Variants in CTNNA2 observed in about 807,000 individuals in gnomAD.
CTNNA2 encodes the protein catenin alpha 2.
Under a neutral mutation model 101.0 loss-of-function variants are expected in CTNNA2, and 42 were observed. The ratio of observed to expected loss-of-function variants is 0.42; its 90% CI spans 0.32 to 0.54. The LOEUF (loss-of-function observed/expected upper bound fraction) is 0.54, where lower values mean the gene tolerates loss of function less well. Among genes scored for constraint, CTNNA2 ranks in the 20% least tolerant of loss-of-function variants. The pLI is 0.14. For missense variants in CTNNA2, 871 were observed against 1,223.1 expected (o/e 0.71, Z 4.29); for synonymous variants, 450 against 456.4 (o/e 0.99, Z 0.18).
At chr2:80,565,457 T>C (rs545755997) in intron 12 of CTNNA2, among the ~76,000 whole-genome samples, 1 of 151,624 alleles carries the variant, frequency 6.6e-6, no homozygotes, top group Admixed American at 6.6e-5. Flanking sequence ...CAAAACAAAT[T>C]GTACCAACTT....
chr2:80,024,433 G>C (rs550175709), intron 7 of CTNNA2, among the ~76,000 whole-genome samples: 4 of 152,198 alleles, frequency 2.6e-5, no homozygotes, highest in South Asian at 2.1e-4. Context: ...AAGGAGTAAG[G>C]GGGTGTCAGG....
At position 79,483,112 on chromosome 2, in the gene CTNNA2, G is replaced by C. The variant is rs556812820; in HGVS notation, c.-134-21942G>C. 1.6e-4 allele frequency among the ~76,000 whole-genome samples: 24 copies of C among 152,272 alleles called. No homozygotes were observed. The East Asian group carries it at 4.5e-3, about 28-fold the overall frequency. ...ATGTCTCTATTGCATGTTGGCTTAT[G>C]GCTCTGCTGCATGTGCCTTCCTGGC... On this transcript the variant is annotated intron_variant, in intron 4 of 21. Transcript: ENST00000466387.
intron 9 of CTNNA2, among the ~76,000 whole-genome samples, chr2:80,520,324 A>G (rs1037488620): frequency 3.9e-4 from 60 of 152,048 alleles, no homozygotes; most frequent in African/African-American, 1.4e-3. Context: ...ATCAAAAGGA[A>G]ATAGGCCTTG....
intron 7 of CTNNA2, chr2:80,328,340 G>T: frequency 2.1e-6 from 1 of 471,114 alleles, no homozygotes; most frequent in Non-Finnish European, 4.4e-6. Context: ...GTGACTTCAA[G>T]TTGTGTGAGG....
At chr2:79,599,793 C>T (rs1274891219) in intron 1 of CTNNA2, among the ~76,000 whole-genome samples, 3 of 151,842 alleles carry the variant, frequency 2.0e-5, no homozygotes, top group Non-Finnish European at 4.4e-5. Flanking sequence ...TTTCTGATAC[C>T]AAGGGAAAGT....
intron 7 of CTNNA2, among the ~76,000 whole-genome samples, chr2:79,930,282 G>GAA (rs1313219051): frequency 1.2e-5 from 1 of 84,680 alleles, no homozygotes; most frequent in African/African-American, 3.6e-5. Context: ...AAGAAAGAGA[G>GAA]AGAGAGAGAA....
intron 2 of CTNNA2, among the ~76,000 whole-genome samples, chr2:79,733,483 C>A (rs1687327256): frequency 6.6e-6 from 1 of 151,840 alleles, no homozygotes; most frequent in South Asian, 2.1e-4. Context: ...CCATTCTGTG[C>A]ATAGGTGTGT....
intron 4 of CTNNA2, among the ~76,000 whole-genome samples, chr2:79,450,067 T>G (rs1678873990): frequency 6.6e-6 from 1 of 151,950 alleles, no homozygotes; most frequent in South Asian, 2.1e-4. Context: ...AAACAATTAT[T>G]AGTGTGACAC....
intron 3 of CTNNA2, 75 bp from the exon 4 acceptor site, chr2:79,857,938 C>T: frequency 1.4e-6 from 2 of 1,433,134 alleles, no homozygotes; most frequent in East Asian, 2.3e-5. Context: ...AGTAATTGTC[C>T]ATTCACAGAT....
At chr2:80,192,348 C>T (rs764392767) in intron 7 of CTNNA2, among the ~76,000 whole-genome samples, 67 of 152,246 alleles carry the variant, frequency 4.4e-4, no homozygotes, top group Non-Finnish European at 7.4e-4. Flanking sequence ...GCCAAAACCA[C>T]CATACGATTG....
At chr2:80,445,913 G>A (rs1167406579) in intron 9 of CTNNA2, among the ~76,000 whole-genome samples, 3 of 152,154 alleles carry the variant, frequency 2.0e-5, no homozygotes, top group Admixed American at 2.0e-4. Flanking sequence ...CTTATAGGAT[G>A]TGTAGCATTG....
chr2:79,533,591 T>C (rs866880781), intron 1 of CTNNA2, among the ~76,000 whole-genome samples: 1 of 152,146 alleles, frequency 6.6e-6, no homozygotes, highest in Non-Finnish European at 1.5e-5. Context: ...TTATAGATGA[T>C]GAGAGACACA....
chr2:80,552,099 T>C (rs1252546192), intron 11 of CTNNA2, among the ~76,000 whole-genome samples: 1 of 152,182 alleles, frequency 6.6e-6, no homozygotes, highest in Non-Finnish European at 1.5e-5. Flanking sequence ...CCGACATTTA[T>C]TGTTTGCCTT....
intron 1 of CTNNA2, among the ~76,000 whole-genome samples, chr2:79,599,304 A>G (rs1677397861): frequency 6.6e-6 from 1 of 152,214 alleles, no homozygotes; most frequent in Admixed American, 6.5e-5. Flanking sequence ...GTTTTTTAAC[A>G]CTGTATTATG....
intron 7 of CTNNA2, among the ~76,000 whole-genome samples, chr2:79,989,866 C>G (rs919972633): frequency 6.6e-6 from 1 of 152,144 alleles, no homozygotes; most frequent in Non-Finnish European, 1.5e-5. Flanking sequence ...TCTTGGTAAT[C>G]CAGTAGCTGA....
intron 4 of CTNNA2, among the ~76,000 whole-genome samples, chr2:79,477,159 CT>C (rs1273995759): frequency 2.7e-5 from 3 of 110,928 alleles, no homozygotes; most frequent in African/African-American, 3.3e-5. Context: ...TCTTTTTTTT[CT>C]TTTTTTTCTT....
At chr2:79,289,957 C>A (rs910051333) in intron 2 of CTNNA2, among the ~76,000 whole-genome samples, 17 of 152,140 alleles carry the variant, frequency 1.1e-4, no homozygotes, top group African/African-American at 3.9e-4. Flanking sequence ...GCCTATATTT[C>A]CTTTTCTGTG....
At chr2:79,894,056 CTT>C (rs1491524767) in intron 6 of CTNNA2, among the ~76,000 whole-genome samples, 9,950 of 110,910 alleles carry the variant, frequency 0.09, 425 homozygotes, top group African/African-American at 0.12. Flanking sequence ...TCTTCTTCTT[CTT>C]CTTCTTCCTC....
intron 6 of CTNNA2, among the ~76,000 whole-genome samples, chr2:79,906,692 C>T (rs944660424): frequency 6.6e-6 from 1 of 152,182 alleles, no homozygotes; most frequent in Non-Finnish European, 1.5e-5. Context: ...AATTGGCTGA[C>T]ACTCCAAAGT....
Sources: gnomAD v4.1 joint callset for allele counts (sites outside exome capture counted in the v4.1 genomes callset) on GRCh38, gnomAD v4.1.1 for gene constraint, MANE v1.5 for transcripts, NCBI Gene and HGNC (gene_info 2026-07-23, HGNC 2026-07-21) for gene names.